The following PLEKHA6 variants were observed in gnomAD, a reference collection of about 807,000 sequenced individuals.
PLEKHA6 encodes the protein pleckstrin homology domain containing A6, also known as pleckstrin homology domain-containing family A member 6.
A neutral mutation model predicts 116.7 loss-of-function variants in PLEKHA6; 60 were observed. The ratio of observed to expected loss-of-function variants is 0.51; its 90% confidence interval spans 0.42 to 0.64. PLEKHA6 has a LOEUF of 0.64. Among genes scored for constraint, PLEKHA6 ranks in the 30% least tolerant of loss-of-function variants. The pLI, the probability that PLEKHA6 is intolerant of heterozygous loss-of-function variation, is 0.00. For synonymous variants in PLEKHA6, 489 were observed against 556.1 expected (o/e 0.88, Z 1.70); for missense variants, 1,338 against 1,422.7 (o/e 0.94, Z 0.96).
At chr1:204,373,407 A>G (rs912471133) in intron 1 of PLEKHA6, among the ~76,000 whole-genome samples, 1 of 151,622 alleles carries the variant, frequency 6.6e-6, no homozygotes, top group Non-Finnish European at 1.5e-5. Flanking sequence ...TTTTGCAGAG[A>G]CAAGGTCTTA....
chr1:204,257,786 T>C lies in PLEKHA6; in HGVS notation c.1091A>G (p.Tyr364Cys). 6.2e-7 allele frequency: 1 copy of C among 1,614,012 alleles called. No individual in the cohort carries two copies. The highest frequency in any genetic ancestry group is 1.3e-5 in the African/African-American group (1 of 75,022). The change falls in exon 9 of 23, where the codon TAC (tyrosine) becomes TGC (cysteine). Residue 364 changes from tyrosine to cysteine, a missense_variant. Around this residue, in one of 3 missense-constraint regions of PLEKHA6, gnomAD observed 1,136 missense variants for 1,163.6 expected, o/e 0.98. Coordinates refer to ENST00000272203, the MANE Select transcript of PLEKHA6 (RefSeq NM_014935.5). The surrounding 1 kb of genome is among the most constrained non-coding windows in gnomAD (Gnocchi z 6.5). ...YSSQYPDDYQYYPPGVRPESI... is the reference protein window; with the variant it reads ...YSSQYPDDYQCYPPGVRPESI... ...CTCCGGCCGCACTCCTGGCGGGTAG[T>C]ACTGATAATCATCGGGGTACTGGGA...
At chr1:204,343,337 T>C (rs1328694213) in intron 1 of PLEKHA6, among the ~76,000 whole-genome samples, 2 of 152,206 alleles carry the variant, frequency 1.3e-5, no homozygotes, top group African/African-American at 2.4e-5. Flanking sequence ...TGTTCCAAGC[T>C]TTTTACATGT....
rs918670937 is a variant in PLEKHA6 at position 204,230,730 on chromosome 1, C to T, written c.2410-144G>A. ...GTCCCCAAAAGATATGTCCAAGTCC[C>T]AACCCCAGGTATCTGAGAGTGTAAC... On this transcript the variant is annotated intron_variant, in intron 17 of 22. Coordinates refer to ENST00000272203, the MANE Select transcript of PLEKHA6 (RefSeq NM_014935.5). 6.7e-5 allele frequency: 43 copies of T among 644,268 alleles called. 1 individual carries two copies. The highest frequency in any genetic ancestry group is 5.9e-4 in the African/African-American group (31 of 52,918). 39.9% of individuals were successfully genotyped at this position (644,268 alleles called of 1,614,324 possible). A position where few individuals can be genotyped will look rare whatever the true frequency, so the allele number is the denominator to read the frequency against.
chr1:204,260,829 T>C (rs954515033), intron 7 of PLEKHA6, among the ~76,000 whole-genome samples: 1 of 152,214 alleles, frequency 6.6e-6, no homozygotes, highest in Admixed American at 6.5e-5. Flanking sequence ...GCACTCTGTG[T>C]AGGCCTCACA....
chr1:204,228,784 C>A lies in PLEKHA6; in HGVS notation c.2829G>T (p.Glu943Asp). Residue 943 changes from glutamate (E) to aspartate (D), a missense_variant, in exon 20 of 23, where the codon GAG becomes GAT. By Grantham distance (45) the Glu-to-Asp change is conservative. This residue lies in a region of PLEKHA6 where 1,136 missense variants were observed against 1,163.6 expected (regional missense o/e 0.98). Coordinates refer to ENST00000272203, the MANE Select transcript of PLEKHA6 (RefSeq NM_014935.5). This position sits in a 1 kb window ranked among gnomAD's most constrained non-coding sequence, Gnocchi z 4.0. ...CCACCTTCTTCTGCTTCTCCTTCAA[C>A]TCCTCAGGGCTCAGGGGAGTGTCAG... ...LEPDTPLSPE[E>D]LKEKQKKVER... 1 of 1,613,976 alleles carries A rather than the reference C, an allele frequency of 6.2e-7. No individual in the cohort carries two copies. Among genetic ancestry groups the A allele is most frequent in the Non-Finnish European group, 8.5e-7 (1 of 1,179,886 alleles).
intron 1 of PLEKHA6, among the ~76,000 whole-genome samples, chr1:204,310,729 T>G (rs1671626415): frequency 6.6e-6 from 1 of 152,206 alleles, no homozygotes; most frequent in Admixed American, 6.5e-5. Context: ...CAATCTCTCA[T>G]CCTGCTAGAA....
chr1:204,280,420 A>G (rs1558130118), intron 1 of PLEKHA6: 5 of 985,168 alleles, frequency 5.1e-6, no homozygotes, highest in Non-Finnish European at 6.0e-6. Context: ...GACTGGAGAA[A>G]TACTCCACTC....
chr1:204,346,908 T>C (rs1572214493), intron 1 of PLEKHA6: 4 of 1,275,720 alleles, frequency 3.1e-6, no homozygotes, highest in Non-Finnish European at 3.4e-6. Flanking sequence ...CTTTGGCTTC[T>C]TTCTTTTTCT....
At chr1:204,335,066 C>G (rs1672592874) in intron 1 of PLEKHA6, among the ~76,000 whole-genome samples, 1 of 152,086 alleles carries the variant, frequency 6.6e-6, no homozygotes, top group South Asian at 2.1e-4. Flanking sequence ...TCTTCCTTCC[C>G]CATCCACACC....
At chr1:204,368,133 T>G (rs3014628) in intron 2 of PLEKHA6, among the ~76,000 whole-genome samples, 3 of 152,138 alleles carry the variant, frequency 2.0e-5, no homozygotes, top group African/African-American at 7.2e-5. Flanking sequence ...CCTGGCAGGA[T>G]GCACTTATTC....
intron 1 of PLEKHA6, among the ~76,000 whole-genome samples, chr1:204,282,176 A>G (rs964390794): frequency 6.6e-6 from 1 of 152,046 alleles, no homozygotes; most frequent in African/African-American, 2.4e-5. Flanking sequence ...TGGCAGACTG[A>G]GGGCAGGAGG....
chr1:204,327,750 C>A (rs542195431), intron 1 of PLEKHA6, among the ~76,000 whole-genome samples: 2 of 152,344 alleles, frequency 1.3e-5, no homozygotes, highest in Admixed American at 6.5e-5. Flanking sequence ...CAAGAGACAG[C>A]CCAGGCCTCC....
At chr1:204,370,140 T>G (rs1673746377) in intron 2 of PLEKHA6, among the ~76,000 whole-genome samples, 1 of 152,234 alleles carries the variant, frequency 6.6e-6, no homozygotes, top group Non-Finnish European at 1.5e-5. Context: ...CCACTTTGCT[T>G]ATTAGTCAAA....
intron 1 of PLEKHA6, among the ~76,000 whole-genome samples, chr1:204,299,422 G>C (rs927876945): frequency 6.6e-6 from 1 of 152,168 alleles, no homozygotes; most frequent in Admixed American, 6.5e-5. Context: ...AGAGCCCCTG[G>C]GATGTTTAAG....
chr1:204,232,030 G>A (rs1661261725), intron 17 of PLEKHA6, among the ~76,000 whole-genome samples: 2 of 152,166 alleles, frequency 1.3e-5, no homozygotes, highest in Non-Finnish European at 2.9e-5. Flanking sequence ...AAATATGAAT[G>A]TTAAAGATGC....
chr1:204,339,929 T>G (rs1672785631), intron 1 of PLEKHA6, among the ~76,000 whole-genome samples: 1 of 152,216 alleles, frequency 6.6e-6, no homozygotes, highest in African/African-American at 2.4e-5. Context: ...CTATATTAAC[T>G]GTATAAACTA....
intron 8 of PLEKHA6, among the ~76,000 whole-genome samples, chr1:204,258,911 T>C (rs778082039): frequency 1.3e-5 from 2 of 152,138 alleles, no homozygotes; most frequent in Admixed American, 1.3e-4. Context: ...GGAGGGCCCA[T>C]AGCTTGGATG....
At chr1:204,313,019 C>T (rs947780942) in intron 1 of PLEKHA6, among the ~76,000 whole-genome samples, 3 of 135,650 alleles carry the variant, frequency 2.2e-5, no homozygotes, top group Admixed American at 1.6e-4. Flanking sequence ...CATTTTCTTT[C>T]TTTTCTTTTC....
intron 12 of PLEKHA6, 105 bp from the exon 13 acceptor site, chr1:204,247,565 G>T: frequency 1.4e-6 from 1 of 717,308 alleles, no homozygotes. Flanking sequence ...ACAAAGATCT[G>T]GGGAAGAGGG....
Sources: allele counts gnomAD v4.1 joint callset (sites outside exome capture counted in the v4.1 genomes callset), GRCh38; gene constraint gnomAD v4.1.1; regional missense constraint gnomAD v4.1.1; non-coding constraint Gnocchi (gnomAD v3.1); transcripts MANE v1.5; gene names NCBI Gene and HGNC (gene_info 2026-07-23, HGNC 2026-07-21).